RDH8: variants seen among roughly 807,000 people sequenced by gnomAD.
RDH8 encodes retinol dehydrogenase 8, also known as photoreceptor outer segment all-trans retinol dehydrogenase.
RDH8 carries 14 observed loss-of-function variants against 22.3 expected under a neutral mutation model. That is an observed-to-expected ratio of 0.63 (90% CI 0.42 to 0.98). The LOEUF is 0.98. Ranked by LOEUF, RDH8 falls within the 50% of genes least tolerant of loss-of-function variation. RDH8 has a pLI of 0.00. For synonymous variants in RDH8, 175 were observed against 171.7 expected, an observed-to-expected ratio of 1.02 and a Z score of -0.15; for missense variants, 389 against 409.8, an observed-to-expected ratio of 0.95 and a Z score of 0.44.
At position 10,020,816 on chromosome 19, in the gene RDH8, G is replaced by A. The variant is rs368421629; in HGVS notation, c.536+14G>A. On this transcript the variant is annotated intron_variant, in intron 4 of 5. Coordinates refer to ENST00000591589, the MANE Select transcript of RDH8 (RefSeq NM_015725.4). ...GTTCAACATCTTGTGAGGCGGGCACGTGGGCAGAGGGGGCTTGGAGCCAGT... is the reference window on the plus strand; with the variant it reads ...GTTCAACATCTTGTGAGGCGGGCACATGGGCAGAGGGGGCTTGGAGCCAGT... The A allele has an allele frequency of 4.2e-5, 66 of 1,589,702 alleles. No individual in the cohort carries two copies. The highest frequency in any genetic ancestry group is 1.7e-4 in the Middle Eastern group (1 of 5,984).
At chr19:10,013,840 G>T (rs2087588504) in intron 1 of RDH8, among the ~76,000 whole-genome samples, 1 of 152,172 alleles carries the variant, frequency 6.6e-6, no homozygotes, top group Non-Finnish European at 1.5e-5. Context: ...GGTGTCATGT[G>T]GGGAGGAGAG....
intron 1 of RDH8, among the ~76,000 whole-genome samples, chr19:10,016,187 G>GC (rs1362905904): frequency 6.0e-5 from 9 of 150,242 alleles, no homozygotes; most frequent in Non-Finnish European, 1.2e-4. Context: ...TCGCTCTGTT[G>GC]CCAGGCTGGA....
chr19:10,016,743 A>T (rs1403750108), intron 1 of RDH8, among the ~76,000 whole-genome samples: 1 of 152,084 alleles, frequency 6.6e-6, no homozygotes, highest in Non-Finnish European at 1.5e-5. Context: ...ACGTGCTGGG[A>T]TTACAGGCTT....
In RDH8 at chr19:10,017,076, C is replaced by T. The variant is rs557265148; in HGVS notation, c.123C>T (p.Asp41=). The change falls in exon 2 of 6, where the codon GAC becomes GAT. Residue 41 remains aspartate (D), a synonymous_variant. Transcript: ENST00000591589. ...KRYQVVATMR[D]LGKKETLEAA... is the part of the protein sequence containing the mutation. ...CCGCAGTCGTGGCCACCATGAGGGACCTGGGGAAGAAGGAGACACTGGAGG... is the reference window on the plus strand; with the variant it reads ...CCGCAGTCGTGGCCACCATGAGGGATCTGGGGAAGAAGGAGACACTGGAGG... The T allele has an allele frequency of 1.3e-6, 2 of 1,589,254 alleles. No individual in the cohort carries two copies. The highest frequency in any genetic ancestry group is 2.3e-5 in the South Asian group (2 of 87,640).
intron 1 of RDH8, among the ~76,000 whole-genome samples, chr19:10,013,921 A>G (rs1397896941): frequency 6.6e-6 from 1 of 152,118 alleles, no homozygotes; most frequent in Non-Finnish European, 1.5e-5. Flanking sequence ...TGAGACACAA[A>G]ATAAAGCATG....
Position 10,021,383 on chromosome 19 carries a change from C to T in RDH8, c.665C>T (p.Pro222Leu), listed in dbSNP as rs2087657531. Residue 222 changes from proline to leucine, a missense_variant, in exon 5 of 6, where the codon CCA becomes CTA. By Grantham distance (98) the Pro-to-Leu change is moderately conservative (BLOSUM62 -3). Transcript: ENST00000591589. ...TLHYFRDLYL[P>L]ASRKLFCSVG... ...CACTACTTCCGGGACCTCTATCTCC[C>T]AGCCTCCAGGAAGCTGTTTTGCTCC... is the stretch of plus-strand genomic sequence containing the variant. The T allele has an allele frequency of 1.2e-6, 2 of 1,614,102 alleles. No individual in the cohort carries two copies. Among genetic ancestry groups the T allele is most frequent in the African/African-American group, 2.7e-5 (2 of 74,998 alleles).
chr19:10,019,131 T>C (rs2087640623), intron 3 of RDH8, among the ~76,000 whole-genome samples: 1 of 151,606 alleles, frequency 6.6e-6, no homozygotes, highest in Non-Finnish European at 1.5e-5. Context: ...AGCCCGTTCC[T>C]ACTAAAATAC....
chr19:10,017,444 C>T (rs1343677337), intron 2 of RDH8, among the ~76,000 whole-genome samples: 3 of 151,888 alleles, frequency 2.0e-5, no homozygotes, highest in African/African-American at 4.8e-5. Context: ...TTTGGGAGGC[C>T]GAGACAGGAG....
chr19:10,018,208 T>G (rs2087634152), intron 2 of RDH8, among the ~76,000 whole-genome samples: 1 of 151,784 alleles, frequency 6.6e-6, no homozygotes, highest in Non-Finnish European at 1.5e-5. Context: ...CCTCCCGAAG[T>G]GCTGAGATTA....
intron 3 of RDH8, among the ~76,000 whole-genome samples, chr19:10,019,514 T>C (rs1188716490): frequency 1.3e-5 from 2 of 151,262 alleles, no homozygotes; most frequent in Admixed American, 6.6e-5. Context: ...TTTTTTAGAA[T>C]TGGGCCAGGC....
At chr19:10,018,439 G>T (rs1033219620) in intron 2 of RDH8, among the ~76,000 whole-genome samples, 1 of 152,144 alleles carries the variant, frequency 6.6e-6, no homozygotes, top group Non-Finnish European at 1.5e-5. Context: ...CCTAACCTTC[G>T]CAGGAAGGTG....
Position 10,021,732 on chromosome 19 carries a change from C to G in RDH8, c.919C>G (p.Arg307Gly), listed in dbSNP as rs750761940. The G allele has an allele frequency of 1.2e-6, 2 of 1,613,714 alleles. No individual in the cohort carries two copies. The highest frequency in any genetic ancestry group is 4.5e-5 in the East Asian group (2 of 44,886). The change falls in exon 6 of 6, where the codon CGG becomes GGG. Residue 307 changes from arginine to glycine, a missense_variant. Coordinates refer to ENST00000591589, the MANE Select transcript of RDH8 (RefSeq NM_015725.4). ...QCLSCGCLPT[R>G]VRPR The stretch of plus-strand genomic sequence containing the variant: ...TCTGTCCTGCGGCTGCCTCCCAACG[C>G]GGGTGCGGCCAAGATGAGCAGAACA...
chr19:10,018,626 T>C (rs1443314042), intron 2 of RDH8, 105 bp from the exon 3 acceptor site: 2 of 845,332 alleles, frequency 2.4e-6, no homozygotes, highest in Non-Finnish European at 3.7e-6. Flanking sequence ...TACCCTGGAC[T>C]GGCCTTGGAC....
chr19:10,013,571 TG>T lies in RDH8; in HGVS notation c.76del (p.Ala26ProfsTer14), dbSNP rs1156618404. The T allele has an allele frequency of 6.2e-7, 1 of 1,613,856 alleles. No homozygotes were observed. Among genetic ancestry groups the T allele is most frequent in the Non-Finnish European group, 8.5e-7 (1 of 1,179,992 alleles). On this transcript the variant is annotated frameshift_variant, in exon 1 of 6. Coordinates refer to ENST00000591589, the MANE Select transcript of RDH8 (RefSeq NM_015725.4). LOFTEE classifies it high-confidence loss of function. ...SGIGLELAVQLAHDPKKRYQV... is the reference protein window; with the variant it reads ...SGIGLELAVQXAHDPKKRYQV... ...ATTGGTCTGGAACTTGCAGTGCAAC[TG>T]GCCCATGACCCCAAGAAGCGCTACC...
At chr19:10,013,682 G>A in intron 1 of RDH8, 82 bp downstream of exon 1, 5 of 1,465,594 alleles carry the variant, frequency 3.4e-6, no homozygotes, top group Non-Finnish European at 4.7e-6. Context: ...ATCCCTCCCA[G>A]CTGCACTTGT....
chr19:10,017,995 G>C (rs550586578), intron 2 of RDH8, among the ~76,000 whole-genome samples: 37 of 151,932 alleles, frequency 2.4e-4, no homozygotes, highest in African/African-American at 8.7e-4. Context: ...GCCTAGGCTA[G>C]AGTGCAATGG....
At chr19:10,020,571 T>C (rs2087650802) in intron 3 of RDH8, 138 bp from the exon 4 acceptor site, 5 of 638,208 alleles carry the variant, frequency 7.8e-6, no homozygotes, top group Non-Finnish European at 1.1e-5. Flanking sequence ...CATACACCCA[T>C]CATCTTGGCA....
intron 1 of RDH8, among the ~76,000 whole-genome samples, chr19:10,016,208 G>A (rs1266640496): frequency 5.4e-5 from 8 of 148,880 alleles, no homozygotes; most frequent in East Asian, 2.0e-4. Flanking sequence ...GTGCAGTGGC[G>A]CTATCTCGGC....
chr19:10,021,825 A>C lies in RDH8; in HGVS notation c.*76A>C. On this transcript the variant is annotated 3_prime_UTR_variant, in exon 6 of 6. Coordinates refer to ENST00000591589, the MANE Select transcript of RDH8 (RefSeq NM_015725.4). Reference sequence around the variant, plus strand: ...TCCACATCTAATTCAAAGGATGAACAGACTCTTCATTTATTCATTCTGCAA... The same window carrying C: ...TCCACATCTAATTCAAAGGATGAACCGACTCTTCATTTATTCATTCTGCAA... The C allele has an allele frequency of 2.1e-6, 3 of 1,426,624 alleles. No individual in the cohort carries two copies. The highest frequency in any genetic ancestry group is 2.9e-6 in the Non-Finnish European group (3 of 1,037,196). The allele number at this position is 1,426,624 out of a possible 1,614,324, so 88.4% of individuals were successfully genotyped here. A position where few individuals can be genotyped will look rare whatever the true frequency, so the allele number is the denominator to read the frequency against.
Sources: gnomAD v4.1 joint callset for allele counts (sites outside exome capture counted in the v4.1 genomes callset) on GRCh38, gnomAD v4.1.1 for gene constraint, MANE v1.5 for transcripts, NCBI Gene and HGNC (gene_info 2026-07-23, HGNC 2026-07-21) for gene names.